Variants in TGFBRAP1 observed in about 807,000 individuals in gnomAD.
The protein encoded by TGFBRAP1 is transforming growth factor-beta receptor-associated protein 1.
A neutral mutation model predicts 83.2 loss-of-function variants in TGFBRAP1; 20 were observed. The observed-to-expected ratio is 0.24, with a 90% CI of 0.17 to 0.35. The LOEUF is 0.35. Ranked by LOEUF, TGFBRAP1 falls within the 10% of genes least tolerant of loss-of-function variation. The probability of loss-of-function intolerance (pLI) is 1.00; values close to 1 mark genes in which losing one functional copy is unlikely to be tolerated. For synonymous variants in TGFBRAP1, 415 were observed against 459.8 expected, an observed-to-expected ratio of 0.90 and a Z score of 1.25; for missense variants, 950 against 1,099.4, an observed-to-expected ratio of 0.86 and a Z score of 1.92.
At chr2:105,324,982 C>T (rs1192964034) in intron 1 of TGFBRAP1, 3 of 152,302 alleles carry the variant, frequency 2.0e-5, no homozygotes, top group African/African-American at 7.2e-5. Context: ...AGGCAACTCA[C>T]TAAGAGGCTT....
chr2:105,284,200 C>T lies in TGFBRAP1; in HGVS notation c.1121+116G>A, dbSNP rs970193997. 12 of 969,370 alleles carry T rather than the reference C, an allele frequency of 1.2e-5. No individual in the cohort carries two copies. The African/African-American group carries it at 1.3e-4, about 10-fold the overall frequency. 60.0% of individuals were successfully genotyped at this position (969,370 alleles called of 1,614,324 possible). ...TCACGAGCTACCCCCACCGTATCCA[C>T]CTGAAGCACAATCTAACCATGCAAC... On this transcript the variant is annotated intron_variant, in intron 5 of 11. Transcript: ENST00000393359.
At chr2:105,250,810 C>T in the TGFBRAP1 span, among the ~76,000 whole-genome samples, 10 of 152,052 alleles carry the variant, frequency 6.6e-5, no homozygotes, top group East Asian at 7.7e-4. Context: ...CGCGCCGCCA[C>T]GCCTGACTGG....
At chr2:105,256,112 T>C in the TGFBRAP1 span, among the ~76,000 whole-genome samples, 3 of 152,236 alleles carry the variant, frequency 2.0e-5, no homozygotes, top group African/African-American at 7.2e-5. Flanking sequence ...CCCTTTCTTA[T>C]GTTTTAAAAA....
downstream of TGFBRAP1, among the ~76,000 whole-genome samples, chr2:105,260,433 C>T (rs902942159): frequency 2.6e-5 from 4 of 152,260 alleles, no homozygotes; most frequent in South Asian, 4.1e-4. Flanking sequence ...AAAATTCTGA[C>T]GTATGCTACA....
At position 105,267,275 on chromosome 2, in the gene TGFBRAP1, T is replaced by C. The variant is rs888396822; in HGVS notation, c.*108A>G. 29 of 1,440,442 alleles carry C rather than the reference T, an allele frequency of 2.0e-5. No individual in the cohort carries two copies. The highest frequency in any genetic ancestry group is 1.2e-4 in the Admixed American group (5 of 42,276). The allele number at this position is 1,440,442 out of a possible 1,614,324, so 89.2% of individuals were successfully genotyped here. ...GACGGAAGGCTCCCTGGCACCCAGATGTCTCCCTTCGTCCTGGCTGACACA... is the reference window on the plus strand; with the variant it reads ...GACGGAAGGCTCCCTGGCACCCAGACGTCTCCCTTCGTCCTGGCTGACACA... On this transcript the variant is annotated 3_prime_UTR_variant, in exon 12 of 12. Transcript: ENST00000393359.
chr2:105,305,413 C>A (rs1171507507), intron 2 of TGFBRAP1, among the ~76,000 whole-genome samples: 1 of 152,162 alleles, frequency 6.6e-6, no homozygotes, highest in Non-Finnish European at 1.5e-5. Context: ...CTAATATGAG[C>A]CACCCCTGGC....
chr2:105,293,216 T>C (rs894243085), intron 4 of TGFBRAP1, among the ~76,000 whole-genome samples: 2 of 152,246 alleles, frequency 1.3e-5, no homozygotes, highest in Non-Finnish European at 2.9e-5. Context: ...AGCTTAAATA[T>C]AAACACCATC....
rs1157743358 is a variant in TGFBRAP1, at chr2:105,267,201, T to C, written c.*182A>G. 2 of 259,430 alleles carry C rather than the reference T, an allele frequency of 7.7e-6. No individual in the cohort carries two copies. The highest frequency in any genetic ancestry group is 5.5e-5 in the African/African-American group (1 of 18,152). The allele number at this position is 259,430 out of a possible 1,614,324, so 16.1% of individuals were successfully genotyped here. On this transcript the variant is annotated 3_prime_UTR_variant, in exon 12 of 12. Coordinates refer to ENST00000393359, the MANE Select transcript of TGFBRAP1 (RefSeq NM_004257.6). ...ACATTCATAGAGCCTGGTCATTCCA[T>C]GTACATTCATAGAGCCTGGTCAGCA...
intron 7 of TGFBRAP1, among the ~76,000 whole-genome samples, chr2:105,276,555 C>A (rs1190168304): frequency 6.6e-6 from 1 of 152,138 alleles, no homozygotes; most frequent in Non-Finnish European, 1.5e-5. Context: ...TCACACATAC[C>A]TTGAAATATG....
At chr2:105,319,808 A>G (rs1679002254) in intron 1 of TGFBRAP1, among the ~76,000 whole-genome samples, 1 of 150,122 alleles carries the variant, frequency 6.7e-6, no homozygotes, top group African/African-American at 2.4e-5. Flanking sequence ...ATATAGGTAT[A>G]TATGTGTTTA....
At chr2:105,255,945 G>A in the TGFBRAP1 span, among the ~76,000 whole-genome samples, 21 of 151,980 alleles carry the variant, frequency 1.4e-4, no homozygotes, top group Non-Finnish European at 2.6e-4. Flanking sequence ...GCCCCTTCTC[G>A]TGGGAGCTGT....
chr2:105,282,936 G>A (rs957894599), intron 5 of TGFBRAP1, among the ~76,000 whole-genome samples: 13 of 152,094 alleles, frequency 8.5e-5, no homozygotes, highest in African/African-American at 3.1e-4. Flanking sequence ...GTACAGGAAT[G>A]TCATCCTAAT....
chr2:105,316,462 T>TGTGTGTGTGTGTGTGTGTGCGC (rs1177329674), intron 1 of TGFBRAP1, among the ~76,000 whole-genome samples: 1 of 84,814 alleles, frequency 1.2e-5, no homozygotes, highest in Non-Finnish European at 2.3e-5. Context: ...TGTGTGTGTG[T>TGTGTGTGTGTGTGTGTGTGCGC]GCGCGCGCGC....
the TGFBRAP1 span, among the ~76,000 whole-genome samples, chr2:105,251,626 AC>A: frequency 6.6e-6 from 1 of 151,562 alleles, no homozygotes; most frequent in East Asian, 2.0e-4. Context: ...CCCGGCCGCC[AC>A]CCCGTCTGGG....
chr2:105,264,374 CTTTA>C (rs912265594), downstream of TGFBRAP1: 2 of 152,200 alleles, frequency 1.3e-5, no homozygotes, highest in African/African-American at 4.8e-5. Context: ...TTCTAGAACT[CTTTA>C]TTTAGACTAG....
rs116537360 is a variant in TGFBRAP1 at position 105,313,125 on chromosome 2, G to C, written c.-17-4807C>G. ...GAAACTCTGTCTCAAAAAAAAAAGAGAACTGATGACTTTTGGCATCTTCCC... is the reference window on the plus strand; with the variant it reads ...GAAACTCTGTCTCAAAAAAAAAAGACAACTGATGACTTTTGGCATCTTCCC... On this transcript the variant is annotated intron_variant, in intron 1 of 11. Coordinates refer to ENST00000393359, the MANE Select transcript of TGFBRAP1 (RefSeq NM_004257.6). Among the ~76,000 whole-genome samples the C allele has an allele frequency of 6.1e-3, 926 of 152,194 alleles. 13 individuals are homozygous for C. The highest frequency in any genetic ancestry group is 0.021 in the African/African-American group (883 of 41,552).
chr2:105,314,554 G>A (rs1311845632), intron 1 of TGFBRAP1, among the ~76,000 whole-genome samples: 1 of 151,970 alleles, frequency 6.6e-6, no homozygotes, highest in Non-Finnish European at 1.5e-5. Flanking sequence ...CCAGCCACCT[G>A]TAGTACTTTC....
At chr2:105,293,814 T>C (rs991110647) in intron 4 of TGFBRAP1, among the ~76,000 whole-genome samples, 2 of 152,192 alleles carry the variant, frequency 1.3e-5, no homozygotes, top group Non-Finnish European at 2.9e-5. Context: ...TACTCATTCA[T>C]TCTTTCCTTG....
chr2:105,280,597 C>G lies in TGFBRAP1; in HGVS notation c.1248G>C (p.Gly416=). Residue 416 remains glycine (G), a synonymous_variant, in exon 6 of 12, where the codon GGG becomes GGC. Coordinates refer to ENST00000393359, the MANE Select transcript of TGFBRAP1 (RefSeq NM_004257.6). ...EYADLNQLTQ[G]DQEKMAKCKR... ...TGCACTTGGCCATCTTCTCCTGGTC[C>G]CCCTGGGTCAGCTGGTTCAGGTCTG... 6.2e-7 allele frequency: 1 copy of G among 1,614,056 alleles called. No individual in the cohort carries two copies. The highest frequency in any genetic ancestry group is 8.5e-7 in the Non-Finnish European group (1 of 1,180,020).
Sources: gnomAD v4.1 joint callset for allele counts (sites outside exome capture counted in the v4.1 genomes callset) on GRCh38, gnomAD v4.1.1 for gene constraint, MANE v1.5 for transcripts, NCBI Gene and HGNC (gene_info 2026-07-23, HGNC 2026-07-21) for gene names.